AFF4: variants seen among roughly 807,000 people sequenced by gnomAD.
The protein encoded by AFF4 is ALF transcription elongation factor 4, also known as AF4/FMR2 family member 4.
Under a neutral mutation model 124.8 loss-of-function variants are expected in AFF4, and 13 were observed. The ratio of observed to expected loss-of-function variants is 0.10; its 90% CI spans 0.07 to 0.17. The LOEUF (loss-of-function observed/expected upper bound fraction) is 0.17. Ranked by LOEUF, AFF4 falls within the 10% of genes least tolerant of loss-of-function variation. The pLI, the probability that AFF4 is intolerant of heterozygous loss-of-function variation, is 1.00. For synonymous variants in AFF4, 477 were observed against 496.1 expected (o/e 0.96, Z 0.51); for missense variants, 1,092 against 1,403.8 (o/e 0.78, Z 3.55).
At chr5:132,898,194 G>A (rs1167650402) in intron 10 of AFF4, 36 bp downstream of exon 10, 1 of 1,611,170 alleles carries the variant, frequency 6.2e-7, no homozygotes, top group South Asian at 1.1e-5. Context: ...GACCCTGAGA[G>A]GGCCTGTGGA....
At chr5:132,959,757 C>T (rs372244804) in intron 1 of AFF4, among the ~76,000 whole-genome samples, 42 of 71,502 alleles carry the variant, frequency 5.9e-4, no homozygotes, top group Admixed American at 1.7e-3. Context: ...GAGTGCTTTT[C>T]TTTTTTTTTT....
chr5:132,887,105 A>G (rs1760137725), intron 17 of AFF4, among the ~76,000 whole-genome samples: 1 of 152,158 alleles, frequency 6.6e-6, no homozygotes, highest in Non-Finnish European at 1.5e-5. Context: ...AGTGCCAGGT[A>G]AAGTAAAGAC....
In AFF4 at chr5:132,897,222, T is replaced by G; in HGVS notation, c.1408A>C (p.Asn470His). ...AGCCAATTATCAAGTTGCCATTTGT[T>G]TGTTGGCGGGGGTTCAGGCTGAAAA... is the stretch of plus-strand genomic sequence containing the variant. ...ASPEPEPPPT[N>H]KWQLDNWLNK... Residue 470 changes from asparagine to histidine, a missense_variant, in exon 11 of 21, where the codon AAC becomes CAC. By Grantham distance (68) the Asn-to-His change is moderately conservative (BLOSUM62 1). Coordinates refer to ENST00000265343, the MANE Select transcript of AFF4 (RefSeq NM_014423.4). 6.2e-7 allele frequency: 1 copy of G among 1,613,008 alleles called. No individual in the cohort carries two copies. The highest frequency in any genetic ancestry group is 8.5e-7 in the Non-Finnish European group (1 of 1,179,082).
At chr5:132,959,942 TC>T (rs1220054511) in intron 1 of AFF4, among the ~76,000 whole-genome samples, 7 of 151,728 alleles carry the variant, frequency 4.6e-5, no homozygotes, top group African/African-American at 1.7e-4. Flanking sequence ...TTTTTTGTAT[TC>T]TTTTAGTAGA....
chr5:132,904,217 A>C, intron 6 of AFF4, 151 bp downstream of exon 6: 1 of 528,402 alleles, frequency 1.9e-6, no homozygotes, highest in South Asian at 2.4e-5. Context: ...CGACCACACC[A>C]CTACACTCCA....
intron 1 of AFF4, among the ~76,000 whole-genome samples, chr5:132,951,172 A>T (rs1761834751): frequency 6.6e-6 from 1 of 151,860 alleles, no homozygotes. Flanking sequence ...TGCAGCGAGC[A>T]GAGATCGCCA....
rs538506386 is a variant in AFF4 at position 132,902,891 on chromosome 5, T to A, written c.1088-404A>T. On this transcript the variant is annotated intron_variant, in intron 6 of 20. Coordinates refer to ENST00000265343, the MANE Select transcript of AFF4 (RefSeq NM_014423.4). The stretch of plus-strand genomic sequence containing the variant: ...TGTAATGGCAAAAACTGGAAAAAAA[T>A]GTCCATCGATAGGGGACTAGTGAAA... 7.9e-5 allele frequency among the ~76,000 whole-genome samples: 12 copies of A among 152,298 alleles called. No homozygotes were observed. In the South Asian group the frequency reaches 2.3e-3, roughly 29 times the overall value.
chr5:132,887,642 A>G, intron 16 of AFF4, 50 bp from the exon 17 acceptor site: 1 of 1,561,926 alleles, frequency 6.4e-7, no homozygotes, highest in Non-Finnish European at 8.8e-7. Context: ...CTTCACCTTG[A>G]TCTTATGATT....
At chr5:132,932,055 A>G (rs1761312089) in intron 4 of AFF4, 123 bp downstream of exon 4, 2 of 559,818 alleles carry the variant, frequency 3.6e-6, no homozygotes, top group Non-Finnish European at 6.1e-6. Context: ...GACATAATCA[A>G]GTTACAAATA....
chr5:132,883,653 A>G lies in AFF4; in HGVS notation c.3144-93T>C, dbSNP rs965544375. The G allele has an allele frequency of 2.6e-6, 3 of 1,132,252 alleles. No homozygotes were observed. In the African/African-American group the frequency reaches 4.7e-5, roughly 18 times the overall value. 70.1% of individuals were successfully genotyped at this position (1,132,252 alleles called of 1,614,324 possible). A position where few individuals can be genotyped will look rare whatever the true frequency, so the allele number is the denominator to read the frequency against. ...GCTCTTTCTACATGAAAGCATTTAA[A>G]ATGTAAAGATTCTCTTAAACTAGAT... On this transcript the variant is annotated intron_variant, in intron 19 of 20. Transcript: ENST00000265343.
Position 132,902,465 on chromosome 5 carries a change from A to G in AFF4, c.1110T>C (p.Thr370=). 1 of 1,609,126 alleles carries G rather than the reference A, an allele frequency of 6.2e-7. No individual in the cohort carries two copies. The highest frequency in any genetic ancestry group is 2.2e-5 in the East Asian group (1 of 44,822). ...ACGATTTAGACTGGTGCCCATTTGAAGTTTTAGAAGGATTATATCTTTCTG... is the reference window on the plus strand; with the variant it reads ...ACGATTTAGACTGGTGCCCATTTGAGGTTTTAGAAGGATTATATCTTTCTG... ...GEQKRYNPSK[T]SNGHQSKSML... The change falls in exon 7 of 21, where the codon ACT becomes ACC. Residue 370 remains threonine (T), a synonymous_variant. Coordinates refer to ENST00000265343, the MANE Select transcript of AFF4 (RefSeq NM_014423.4).
Position 132,892,318 on chromosome 5 carries a change from T to C in AFF4, c.2483A>G (p.His828Arg), listed in dbSNP as rs1760282768. 1.2e-6 allele frequency: 2 copies of C among 1,614,164 alleles called. No homozygotes were observed. The highest frequency in any genetic ancestry group is 8.5e-7 in the Non-Finnish European group (1 of 1,180,020). Residue 828 changes from histidine to arginine, a missense_variant, in exon 13 of 21, where the codon CAT becomes CGT. Around this residue, in one of 11 missense-constraint regions of AFF4, gnomAD observed 293 missense variants for 280.2 expected, o/e 1.05. Transcript: ENST00000265343. ...ACTAATAGTCCTCTTCCGAGAGCCA[T>C]GCTCTGTTTTTGGATCTTTTGAAGG... Reference protein sequence around the residue: ...PVPSKDPKTEHGSRKRTISQS... With the variant: ...PVPSKDPKTERGSRKRTISQS...
intron 3 of AFF4, 94 bp from the exon 4 acceptor site, chr5:132,932,316 C>A: frequency 1.0e-6 from 1 of 979,710 alleles, no homozygotes; most frequent in Non-Finnish European, 1.5e-6. Flanking sequence ...GTATTTATGA[C>A]CCCACTACTC....
chr5:132,956,385 C>G (rs1418077060), intron 1 of AFF4, among the ~76,000 whole-genome samples: 7 of 152,036 alleles, frequency 4.6e-5, no homozygotes, highest in African/African-American at 1.7e-4. Flanking sequence ...AATCCCAGCA[C>G]CTTGGAAGGC....
Position 132,934,753 on chromosome 5 carries a change from C to A in AFF4, c.312G>T (p.Gln104His). 1.2e-6 allele frequency: 2 copies of A among 1,614,150 alleles called. No homozygotes were observed. The highest frequency in any genetic ancestry group is 3.3e-4 in the Middle Eastern group (2 of 6,062). ...GTCCTACTGGAGTCCATTTGCTACT[C>A]TGATGAGAGCCTCCATGTCTCTGTT... Reference protein sequence around the residue: ...FFEQRHGGSHQSSKWTPVGPA... With the variant: ...FFEQRHGGSHHSSKWTPVGPA... The change falls in exon 3 of 21, where the codon CAG becomes CAT. Residue 104 changes from glutamine (Q) to histidine (H), a missense_variant. Physicochemically the swap from Gln to His is conservative, Grantham distance 24 (BLOSUM62 0). Transcript: ENST00000265343.
At chr5:132,923,561 C>T (rs530098417) in intron 5 of AFF4, among the ~76,000 whole-genome samples, 1 of 151,674 alleles carries the variant, frequency 6.6e-6, no homozygotes, top group Non-Finnish European at 1.5e-5. Context: ...AGAGTGAGAC[C>T]CCCGTCTCTA....
intron 5 of AFF4, among the ~76,000 whole-genome samples, chr5:132,908,064 C>T (rs1185090161): frequency 6.6e-6 from 1 of 151,022 alleles, no homozygotes; most frequent in African/African-American, 2.4e-5. Flanking sequence ...AATGAGGTTA[C>T]TGGAGTAGTA....
chr5:132,888,370 A>C (rs1207200336), intron 14 of AFF4, among the ~76,000 whole-genome samples: 1 of 152,138 alleles, frequency 6.6e-6, no homozygotes, highest in Non-Finnish European at 1.5e-5. Flanking sequence ...TAATTAGGAA[A>C]ACAGAAATCA....
In AFF4 at chr5:132,963,370, G is replaced by A. The variant is rs1762125851; in HGVS notation, c.-116C>T. ...CGAGCCCGCCCAGGGGGCGGTGACA[G>A]GCTGCCAAGGGCGAGGGGCTCCGGG... On this transcript the variant is annotated 5_prime_UTR_variant, in exon 1 of 21. Transcript: ENST00000265343. The A allele has an allele frequency of 5.0e-6, 2 of 397,608 alleles. No individual in the cohort carries two copies. Among genetic ancestry groups the A allele is most frequent in the Non-Finnish European group, 8.9e-6 (2 of 225,292 alleles). The allele number at this position is 397,608 out of a possible 1,614,324, so 24.6% of individuals were successfully genotyped here. A position where few individuals can be genotyped will look rare whatever the true frequency, so the allele number is the denominator to read the frequency against.
Sources: allele counts gnomAD v4.1 joint callset (sites outside exome capture counted in the v4.1 genomes callset), GRCh38; gene constraint gnomAD v4.1.1; regional missense constraint gnomAD v4.1.1; transcripts MANE v1.5; gene names NCBI Gene and HGNC (gene_info 2026-07-23, HGNC 2026-07-21).